MYO1B: variants seen among roughly 807,000 people sequenced by gnomAD.
MYO1B encodes unconventional myosin-Ib.
Under a neutral mutation model 159.7 loss-of-function variants are expected in MYO1B, and 72 were observed. That is an observed-to-expected ratio of 0.45 (90% CI 0.37 to 0.55). The LOEUF (loss-of-function observed/expected upper bound fraction) is 0.55. MYO1B is among the 20% of genes least tolerant of loss of function. The probability of loss-of-function intolerance (pLI) is 0.00; values close to 1 mark genes in which losing one functional copy is unlikely to be tolerated. For synonymous variants in MYO1B, 468 were observed against 473.8 expected, an observed-to-expected ratio of 0.99 and a Z score of 0.16; for missense variants, 1,062 against 1,364.8, an observed-to-expected ratio of 0.78 and a Z score of 3.50.
At chr2:191,349,885 T>C (rs1312622406) in intron 6 of MYO1B, among the ~76,000 whole-genome samples, 4 of 152,234 alleles carry the variant, frequency 2.6e-5, no homozygotes, top group Non-Finnish European at 5.9e-5. Context: ...CTCCAGAAGT[T>C]TGAAAAATAA....
chr2:191,410,714 T>C (rs1559245400), intron 26 of MYO1B, among the ~76,000 whole-genome samples: 1 of 152,212 alleles, frequency 6.6e-6, no homozygotes, highest in Non-Finnish European at 1.5e-5. Context: ...TGGATTGTGA[T>C]GCACAATATT....
intron 2 of MYO1B, among the ~76,000 whole-genome samples, chr2:191,280,323 C>G (rs770932218): frequency 6.6e-6 from 1 of 152,228 alleles, no homozygotes; most frequent in Non-Finnish European, 1.5e-5. Flanking sequence ...CACATTTATT[C>G]ACCTGAAAAT....
intron 9 of MYO1B, 77 bp from the exon 10 acceptor site, chr2:191,363,651 C>A: frequency 6.7e-7 from 1 of 1,488,720 alleles, no homozygotes. Flanking sequence ...AGAAATAAAT[C>A]TGTAATATGA....
intron 13 of MYO1B, among the ~76,000 whole-genome samples, chr2:191,380,582 G>T (rs1003943447): frequency 6.6e-6 from 1 of 152,198 alleles, no homozygotes; most frequent in Admixed American, 6.5e-5. Flanking sequence ...GGTGCTCTCA[G>T]GATGTACAGC....
chr2:191,360,493 A>C (rs1431067856), intron 7 of MYO1B, 138 bp from the exon 8 acceptor site: 2 of 580,368 alleles, frequency 3.4e-6, no homozygotes, highest in Non-Finnish European at 6.1e-6. Flanking sequence ...CTGAAGCTAG[A>C]ACTGAAAATA....
At chr2:191,322,394 C>T (rs1020484519) in intron 3 of MYO1B, among the ~76,000 whole-genome samples, 2 of 152,286 alleles carry the variant, frequency 1.3e-5, no homozygotes, top group South Asian at 4.1e-4. Flanking sequence ...ATGTGTGTCT[C>T]CAATACCTGG....
chr2:191,317,046 C>T (rs925231912), intron 3 of MYO1B, among the ~76,000 whole-genome samples: 2 of 152,022 alleles, frequency 1.3e-5, no homozygotes, highest in Admixed American at 6.6e-5. Flanking sequence ...TGGAGGAGGA[C>T]GTATTTGATT....
chr2:191,325,855 C>T (rs559994178), intron 3 of MYO1B, among the ~76,000 whole-genome samples: 48 of 151,950 alleles, frequency 3.2e-4, no homozygotes, highest in Non-Finnish European at 5.3e-4. Flanking sequence ...AACAGATGAG[C>T]CCCAAACCAA....
chr2:191,309,001 C>T (rs996507411), intron 3 of MYO1B, among the ~76,000 whole-genome samples: 2 of 152,170 alleles, frequency 1.3e-5, no homozygotes, highest in African/African-American at 4.8e-5. Flanking sequence ...CCTCTGTAGG[C>T]ATTATTTAGA....
chr2:191,391,217 C>G (rs1695730018), intron 18 of MYO1B, among the ~76,000 whole-genome samples: 1 of 152,184 alleles, frequency 6.6e-6, no homozygotes, highest in South Asian at 2.1e-4. Flanking sequence ...AAGGCTTGCC[C>G]CTGAATACTG....
intron 2 of MYO1B, among the ~76,000 whole-genome samples, chr2:191,285,445 C>T (rs1427302441): frequency 2.6e-5 from 4 of 152,168 alleles, no homozygotes; most frequent in African/African-American, 7.2e-5. Flanking sequence ...CGGCCACCGT[C>T]GGCAGCCACG....
At chr2:191,245,912 C>T (rs1034387182) in intron 1 of MYO1B, 2 of 152,318 alleles carry the variant, frequency 1.3e-5, no homozygotes, top group African/African-American at 4.8e-5. Flanking sequence ...CCCCATGCCT[C>T]TCGTACCTGT....
At chr2:191,310,256 G>A (rs952911046) in intron 3 of MYO1B, among the ~76,000 whole-genome samples, 1 of 152,134 alleles carries the variant, frequency 6.6e-6, no homozygotes, top group African/African-American at 2.4e-5. Flanking sequence ...AGTCTGGAGT[G>A]CAGTGGCGCA....
chr2:191,421,902 G>A (rs1216007792), intron 30 of MYO1B, among the ~76,000 whole-genome samples: 8 of 152,206 alleles, frequency 5.3e-5, no homozygotes, highest in Non-Finnish European at 1.2e-4. Context: ...ATATATCTCA[G>A]GTAGTTGAAT....
At chr2:191,282,301 T>C (rs1189975457) in intron 2 of MYO1B, among the ~76,000 whole-genome samples, 4 of 152,224 alleles carry the variant, frequency 2.6e-5, no homozygotes, top group African/African-American at 9.6e-5. Context: ...AGTCCTCTAT[T>C]CAGGATTTTC....
chr2:191,290,968 T>A (rs1320009887), intron 2 of MYO1B, among the ~76,000 whole-genome samples: 1 of 152,190 alleles, frequency 6.6e-6, no homozygotes, highest in Non-Finnish European at 1.5e-5. Context: ...CTACAGACAT[T>A]GGTTTTCAAC....
chr2:191,261,266 T>C (rs2125690903), intron 1 of MYO1B, among the ~76,000 whole-genome samples: 1 of 152,302 alleles, frequency 6.6e-6, no homozygotes, highest in South Asian at 2.1e-4. Context: ...AAAAGAATTG[T>C]TGTTTCTATG....
At chr2:191,295,860 T>C (rs1345541300) in intron 2 of MYO1B, among the ~76,000 whole-genome samples, 1 of 152,160 alleles carries the variant, frequency 6.6e-6, no homozygotes, top group Admixed American at 6.5e-5. Context: ...AACCGTAAAT[T>C]AGTTCAGAGA....
intron 14 of MYO1B, 93 bp from the exon 15 acceptor site, chr2:191,383,187 G>C (rs1695143827): frequency 1.4e-6 from 1 of 716,894 alleles, no homozygotes; most frequent in Admixed American, 3.2e-5. Context: ...GAGAGGAAGG[G>C]AAATATGATA....
Sources: gnomAD v4.1 joint callset for allele counts (sites outside exome capture counted in the v4.1 genomes callset) on GRCh38, gnomAD v4.1.1 for gene constraint, MANE v1.5 for transcripts, NCBI Gene and HGNC (gene_info 2026-07-23, HGNC 2026-07-21) for gene names.